Variants in GAD2 observed in about 807,000 individuals in gnomAD.
The protein encoded by GAD2 is glutamate decarboxylase 2, also known as 65 kDa glutamic acid decarboxylase.
In GAD2, 22 loss-of-function variants were observed where a neutral mutation model predicts 80.1. That is an observed-to-expected ratio of 0.27 (90% confidence interval 0.20 to 0.39). GAD2 has a LOEUF of 0.39. GAD2 is among the 10% of genes least tolerant of loss of function. GAD2 has a pLI of 1.00. For missense variants in GAD2, 624 were observed against 738.4 expected (o/e 0.85, Z 1.80); for synonymous variants, 274 against 256.9 (o/e 1.07, Z -0.64).
rs754086153 is a variant in GAD2 at position 26,219,104 on chromosome 10, C to T, written c.348C>T (p.Asn116=). The change falls in exon 4 of 16, where the codon AAC becomes AAT. Residue 116 remains asparagine (N), a synonymous_variant. Coordinates refer to ENST00000376261, the MANE Select transcript of GAD2 (RefSeq NM_001134366.2). ...PTLAFLQDVM[N]ILLQYVVKSF... ...TGGCGTTTCTGCAAGATGTTATGAA[C>T]ATTTTACTTCAGTATGTGGTGAAAA... 8 of 1,611,218 alleles carry T rather than the reference C, an allele frequency of 5.0e-6. No homozygotes were observed. Among genetic ancestry groups the T allele is most frequent in the Non-Finnish European group, 5.1e-6 (6 of 1,178,818 alleles).
upstream of GAD2, chr10:26,216,718 C>A: frequency 9.2e-7 from 1 of 1,092,752 alleles, no homozygotes; most frequent in Non-Finnish European, 1.3e-6. The surrounding 1 kb of genome is among the most constrained non-coding windows in gnomAD (Gnocchi z 4.7). Context: ...CTCCTCCCGC[C>A]ACACGGGCAC....
chr10:26,235,440 A>G (rs1844659785), intron 7 of GAD2, among the ~76,000 whole-genome samples: 1 of 152,158 alleles, frequency 6.6e-6, no homozygotes, highest in Admixed American at 6.5e-5. Flanking sequence ...CTGGCCACCA[A>G]CACCGACTAG....
chr10:26,238,005 GACACACACACAC>G (rs58551669), intron 7 of GAD2, among the ~76,000 whole-genome samples: 11 of 118,244 alleles, frequency 9.3e-5, no homozygotes, highest in Non-Finnish European at 1.6e-4. Flanking sequence ...CCATCACACA[GACACACACACAC>G]ACACACACAC....
At chr10:26,252,921 G>C (rs2132293164) in intron 8 of GAD2, among the ~76,000 whole-genome samples, 1 of 152,232 alleles carries the variant, frequency 6.6e-6, no homozygotes, top group Non-Finnish European at 1.5e-5. Context: ...ACCTCCCAAA[G>C]TGCTGGGGTT....
chr10:26,236,489 C>G (rs776920611), intron 7 of GAD2, among the ~76,000 whole-genome samples: 38 of 151,948 alleles, frequency 2.5e-4, no homozygotes, highest in Non-Finnish European at 2.9e-5. Context: ...TTAGTAGAGA[C>G]GGGGTTTCAC....
intron 8 of GAD2, among the ~76,000 whole-genome samples, chr10:26,247,116 G>A (rs1205151526): frequency 6.6e-6 from 1 of 152,210 alleles, no homozygotes; most frequent in Non-Finnish European, 1.5e-5. Context: ...TTCATAGACA[G>A]AGCAGCCTGG....
At chr10:26,282,527 A>G (rs1589152220) in intron 12 of GAD2, among the ~76,000 whole-genome samples, 1 of 152,120 alleles carries the variant, frequency 6.6e-6, no homozygotes, top group East Asian at 1.9e-4. Context: ...TCTTCTTTAT[A>G]TTTTACATTA....
chr10:26,286,474 T>A lies in GAD2; in HGVS notation c.1366T>A (p.Trp456Arg). 1 of 1,613,552 alleles carries A rather than the reference T, an allele frequency of 6.2e-7. No individual in the cohort carries two copies. Among genetic ancestry groups the A allele is most frequent in the Non-Finnish European group, 8.5e-7 (1 of 1,179,812 alleles). ...ACGCCACGTTGATGTTTTTAAACTATGGCTGATGTGGAGGGCAAAGGTGAG... is the reference window on the plus strand; with the variant it reads ...ACGCCACGTTGATGTTTTTAAACTAAGGCTGATGTGGAGGGCAAAGGTGAG... Reference protein sequence around the residue: ...CGRHVDVFKLWLMWRAKGTTG... With the variant: ...CGRHVDVFKLRLMWRAKGTTG... The change falls in exon 13 of 16, where the codon TGG (tryptophan) becomes AGG (arginine). Residue 456 changes from tryptophan to arginine, a missense_variant. Physicochemically the swap from Trp to Arg is moderately radical, Grantham distance 101 (BLOSUM62 -3). Coordinates refer to ENST00000376261, the MANE Select transcript of GAD2 (RefSeq NM_001134366.2).
intron 7 of GAD2, among the ~76,000 whole-genome samples, chr10:26,231,595 A>G (rs964630473): frequency 9.8e-5 from 15 of 152,324 alleles, no homozygotes; most frequent in African/African-American, 3.1e-4. Flanking sequence ...ACACAGCCTA[A>G]AATTACTTAG....
intron 8 of GAD2, among the ~76,000 whole-genome samples, chr10:26,266,359 C>G (rs1845073671): frequency 6.6e-6 from 1 of 152,166 alleles, no homozygotes; most frequent in Non-Finnish European, 1.5e-5. Flanking sequence ...ATTATGCTCA[C>G]TAAATTTTAA....
rs757350837 is a variant in GAD2 at position 26,281,102 on chromosome 10, A to G, written c.1236+15A>G. On this transcript the variant is annotated intron_variant, in intron 12 of 15. Coordinates refer to ENST00000376261, the MANE Select transcript of GAD2 (RefSeq NM_001134366.2). ...TTAGAGAAGAGGTATGTCTCTCTTG[A>G]CTCTGTGTCCCAGTCCGTGCGTGGG... is the stretch of plus-strand genomic sequence containing the variant. 1.1e-4 allele frequency: 174 copies of G among 1,588,802 alleles called. No individual in the cohort carries two copies. Among genetic ancestry groups the G allele is most frequent in the Non-Finnish European group, 1.4e-4 (167 of 1,158,072 alleles).
intron 11 of GAD2, among the ~76,000 whole-genome samples, chr10:26,275,182 C>T (rs543462887): frequency 6.6e-6 from 1 of 152,366 alleles, no homozygotes; most frequent in Non-Finnish European, 1.5e-5. Context: ...TGCCTGCTCA[C>T]ATGATCAGAA....
intron 7 of GAD2, among the ~76,000 whole-genome samples, chr10:26,237,472 C>T (rs376161733): frequency 1.6e-4 from 24 of 152,036 alleles, no homozygotes; most frequent in African/African-American, 5.1e-4. Context: ...CTGCGCATGG[C>T]TCTCGGTGAG....
intron 12 of GAD2, 101 bp downstream of exon 12, chr10:26,281,188 T>C (rs778517906): frequency 2.4e-6 from 2 of 842,826 alleles, no homozygotes; most frequent in Non-Finnish European, 3.9e-6. Context: ...GGGTCTTCTC[T>C]ATGGTCCTAC....
chr10:26,233,256 A>T (rs543849862), intron 7 of GAD2, among the ~76,000 whole-genome samples: 26 of 152,344 alleles, frequency 1.7e-4, no homozygotes, highest in African/African-American at 6.3e-4. Context: ...AGATTCAGCA[A>T]CAGAGCTTTG....
chr10:26,218,268 C>T (rs1268084405), intron 3 of GAD2: 1 of 357,710 alleles, frequency 2.8e-6, no homozygotes, highest in East Asian at 4.6e-5. Context: ...ACGATCCAGG[C>T]GCTCGTGCGC....
At chr10:26,287,369 CAGAG>C (rs541058278) in intron 13 of GAD2, among the ~76,000 whole-genome samples, 3 of 152,118 alleles carry the variant, frequency 2.0e-5, no homozygotes, top group Non-Finnish European at 4.4e-5. Context: ...ACCTTAATAA[CAGAG>C]AGAGTCTCTC....
chr10:26,252,073 C>T (rs1844886437), intron 8 of GAD2, among the ~76,000 whole-genome samples: 1 of 152,208 alleles, frequency 6.6e-6, no homozygotes, highest in African/African-American at 2.4e-5. Context: ...AGTCTTCATG[C>T]TTGTTTCCCG....
intron 11 of GAD2, among the ~76,000 whole-genome samples, chr10:26,276,423 C>G (rs1277965899): frequency 6.7e-6 from 1 of 149,526 alleles, no homozygotes; most frequent in African/African-American, 2.5e-5. Context: ...ACTCTGTCAC[C>G]CAGGCTGGAG....
Sources: gnomAD v4.1 joint callset for allele counts (sites outside exome capture counted in the v4.1 genomes callset) on GRCh38, gnomAD v4.1.1 for gene constraint, Gnocchi (gnomAD v3.1) non-coding constraint, MANE v1.5 for transcripts, NCBI Gene and HGNC (gene_info 2026-07-23, HGNC 2026-07-21) for gene names.